RAB38: variants seen among roughly 807,000 people sequenced by gnomAD.
The protein encoded by RAB38 is RAB38, member RAS oncogene family.
Under a neutral mutation model 18.4 loss-of-function variants are expected in RAB38, and 15 were observed. The observed-to-expected ratio is 0.82, with a 90% CI of 0.55 to 1.26. The LOEUF is 1.26. Ranked by LOEUF, RAB38 falls within the 50% of genes most tolerant of loss-of-function variation. RAB38 has a pLI of 0.00. For synonymous variants in RAB38, 101 were observed against 104.4 expected (o/e 0.97, Z 0.20); for missense variants, 294 against 267.4 (o/e 1.10, Z -0.69).
chr11:88,034,060 C>T, the RAB38 span, among the ~76,000 whole-genome samples: 1 of 152,188 alleles, frequency 6.6e-6, no homozygotes, highest in South Asian at 2.1e-4. Flanking sequence ...CATCTACCTT[C>T]CACATCCGCA....
intron 2 of RAB38, among the ~76,000 whole-genome samples, chr11:88,137,151 C>T (rs1204682213): frequency 6.6e-6 from 1 of 152,150 alleles, no homozygotes; most frequent in Non-Finnish European, 1.5e-5. Flanking sequence ...CAGTGAAAAC[C>T]AACCTAAAGC....
chr11:88,018,793 A>G, the RAB38 span, among the ~76,000 whole-genome samples: 2 of 152,164 alleles, frequency 1.3e-5, no homozygotes, highest in Non-Finnish European at 2.9e-5. Flanking sequence ...TAGTTGTTAC[A>G]TCTTTAGAAT....
At chr11:88,098,553 G>C in the RAB38 span, 1 of 151,908 alleles carries the variant, frequency 6.6e-6, no homozygotes, top group Non-Finnish European at 1.5e-5. Context: ...TTGAACTTCA[G>C]TTTCATTCCT....
chr11:88,112,322 C>T (rs1468413681), downstream of RAB38, among the ~76,000 whole-genome samples: 4 of 152,194 alleles, frequency 2.6e-5, no homozygotes, highest in Middle Eastern at 3.2e-3. Context: ...GGGGGCAGAA[C>T]TTGATATGGG....
chr11:87,817,892 A>C, the RAB38 span, among the ~76,000 whole-genome samples: 4 of 152,316 alleles, frequency 2.6e-5, no homozygotes, highest in East Asian at 7.7e-4. Flanking sequence ...AATCTTAGTG[A>C]TTAGATGGGC....
chr11:87,941,214 GATATAT>G, the RAB38 span, among the ~76,000 whole-genome samples: 89 of 62,552 alleles, frequency 1.4e-3, 2 homozygotes, highest in Middle Eastern at 0.059. Context: ...AAATATATGA[GATATAT>G]ATATATATAT....
chr11:88,074,663 T>C, the RAB38 span, among the ~76,000 whole-genome samples: 1 of 152,150 alleles, frequency 6.6e-6, no homozygotes, highest in South Asian at 2.1e-4. Flanking sequence ...TTAAAAACAA[T>C]GAGAAAACAA....
the RAB38 span, among the ~76,000 whole-genome samples, chr11:88,012,936 A>G: frequency 1.6e-4 from 25 of 152,280 alleles, no homozygotes; most frequent in East Asian, 4.8e-3. Flanking sequence ...GACTACGTGT[A>G]CAGAAAGTAT....
chr11:87,839,371 A>G, the RAB38 span, among the ~76,000 whole-genome samples: 1 of 152,212 alleles, frequency 6.6e-6, no homozygotes, highest in African/African-American at 2.4e-5. Flanking sequence ...TCAGACAGAT[A>G]GTGGTCTACA....
the RAB38 span, among the ~76,000 whole-genome samples, chr11:88,014,867 T>C: frequency 1.3e-5 from 2 of 152,248 alleles, no homozygotes; most frequent in African/African-American, 4.8e-5. Context: ...GAAATAGTAC[T>C]GAGCAGTGAA....
the RAB38 span, among the ~76,000 whole-genome samples, chr11:87,822,796 A>G: frequency 6.6e-6 from 1 of 152,234 alleles, no homozygotes; most frequent in Non-Finnish European, 1.5e-5. Flanking sequence ...GGCAGAGATC[A>G]TTGGAGGTTG....
chr11:88,039,427 G>A, the RAB38 span, among the ~76,000 whole-genome samples: 1 of 151,954 alleles, frequency 6.6e-6, no homozygotes, highest in Non-Finnish European at 1.5e-5. Context: ...TGCTTAACAG[G>A]TTCCTTAGGC....
At chr11:87,941,448 A>G in the RAB38 span, among the ~76,000 whole-genome samples, 3 of 151,448 alleles carry the variant, frequency 2.0e-5, no homozygotes, top group Admixed American at 6.6e-5. Context: ...TCAAAAAATC[A>G]AAAGGCACAT....
the RAB38 span, among the ~76,000 whole-genome samples, chr11:87,842,808 A>ACG: frequency 1.7e-4 from 13 of 75,290 alleles, no homozygotes; most frequent in South Asian, 9.6e-4. Context: ...ACACACACAC[A>ACG]CGCGCGCGCA....
the RAB38 span, among the ~76,000 whole-genome samples, chr11:87,840,933 C>T: frequency 6.6e-6 from 1 of 152,140 alleles, no homozygotes; most frequent in African/African-American, 2.4e-5. Flanking sequence ...GATTAAAGTT[C>T]TCGTTACAGG....
the RAB38 span, among the ~76,000 whole-genome samples, chr11:87,886,840 T>C: frequency 6.6e-6 from 1 of 150,630 alleles, no homozygotes; most frequent in Non-Finnish European, 1.5e-5. Context: ...TTTTTTTTTT[T>C]CTTTTACACT....
chr11:88,034,943 A>G, the RAB38 span, among the ~76,000 whole-genome samples: 117,125 of 152,208 alleles, frequency 0.77, 45,577 homozygotes, highest in African/African-American at 0.88. Context: ...TGGTTGCACC[A>G]ACTTTATACT....
At chr11:87,971,828 AAAC>A in the RAB38 span, among the ~76,000 whole-genome samples, 1 of 152,116 alleles carries the variant, frequency 6.6e-6, no homozygotes, top group Non-Finnish European at 1.5e-5. Flanking sequence ...CTCTACTCTA[AAAC>A]AATAATGTTG....
At chr11:87,892,393 C>T in the RAB38 span, among the ~76,000 whole-genome samples, 1 of 151,962 alleles carries the variant, frequency 6.6e-6, no homozygotes, top group Non-Finnish European at 1.5e-5. Flanking sequence ...GGCTGTCCAT[C>T]TTTCTCCTGG....
Sources: allele counts gnomAD v4.1 joint callset (sites outside exome capture counted in the v4.1 genomes callset), GRCh38; gene constraint gnomAD v4.1.1; transcripts MANE v1.5; gene names NCBI Gene and HGNC (gene_info 2026-07-23, HGNC 2026-07-21).